Variants in GPR160 observed in about 807,000 individuals in gnomAD.
GPR160 encodes the protein probable G protein-coupled receptor 160.
Under a neutral mutation model 2.6 loss-of-function variants are expected in GPR160, and 2 were observed. The observed-to-expected ratio is 0.77, with a 90% CI of 0.32 to 2.44. The LOEUF (loss-of-function observed/expected upper bound fraction) is 2.44, where lower values mean the gene tolerates loss of function less well. Among genes scored for constraint, GPR160 ranks in the 30% most tolerant of loss-of-function variants. The pLI is 0.11. For missense variants in GPR160, 351 were observed against 383.6 expected (o/e 0.91, Z 0.71); for synonymous variants, 130 against 132.2 (o/e 0.98, Z 0.12).
Position 170,084,263 on chromosome 3 carries a change from TAC to T in GPR160, c.292_293del (p.Thr98SerfsTer28). ...RFTKYHICLF[T>X]QIISFTYGFL... The stretch of plus-strand genomic sequence containing the variant: ...TCACTAAATACCACATCTGCCTATT[TAC>T]TCAAATTATTTCCTTTACTTATGGC... On this transcript the variant is annotated frameshift_variant, in exon 4 of 4. Coordinates refer to ENST00000355897, the MANE Select transcript of GPR160 (RefSeq NM_014373.3). LOFTEE classifies it low-confidence loss of function (END_TRUNC). 1 of 1,608,788 alleles carries T rather than the reference TAC, an allele frequency of 6.2e-7. No homozygotes were observed. Among genetic ancestry groups the T allele is most frequent in the Non-Finnish European group, 8.5e-7 (1 of 1,175,790 alleles).
At chr3:170,070,237 A>G (rs940791706) in intron 2 of GPR160, among the ~76,000 whole-genome samples, 4 of 152,218 alleles carry the variant, frequency 2.6e-5, no homozygotes, top group Non-Finnish European at 5.9e-5. Flanking sequence ...TGTTGAAACA[A>G]TTTATTGAAG....
At chr3:170,069,717 G>A (rs184762751) in intron 2 of GPR160, among the ~76,000 whole-genome samples, 1 of 152,124 alleles carries the variant, frequency 6.6e-6, no homozygotes, top group Non-Finnish European at 1.5e-5. Flanking sequence ...GCATTATGTT[G>A]GCGCAAATTC....
chr3:170,045,418 A>AAAAAAAAC, intron 2 of GPR160, among the ~76,000 whole-genome samples: 1 of 54,962 alleles, frequency 1.8e-5, no homozygotes, highest in African/African-American at 6.9e-5. Flanking sequence ...CAAAAAAAAA[A>AAAAAAAAC]AAAAAAAAAA....
chr3:170,050,582 T>G (rs956568026), intron 2 of GPR160, among the ~76,000 whole-genome samples: 8 of 152,174 alleles, frequency 5.3e-5, no homozygotes, highest in Non-Finnish European at 7.3e-5. Flanking sequence ...AATTTTTTTG[T>G]TGGTCAGGCT....
At chr3:170,061,243 C>G (rs112034894) in intron 2 of GPR160, among the ~76,000 whole-genome samples, 4,119 of 150,904 alleles carry the variant, frequency 0.027, 178 homozygotes, top group African/African-American at 0.095. Context: ...CCACTGCACT[C>G]CAGCCTGGGT....
intron 2 of GPR160, among the ~76,000 whole-genome samples, chr3:170,061,824 G>T (rs1711974616): frequency 6.6e-6 from 1 of 151,808 alleles, no homozygotes; most frequent in Non-Finnish European, 1.5e-5. Context: ...CTTTTAAATG[G>T]TTATATACTA....
chr3:170,039,997 G>A (rs1430943048), intron 2 of GPR160, among the ~76,000 whole-genome samples: 1 of 151,962 alleles, frequency 6.6e-6, no homozygotes, highest in Non-Finnish European at 1.5e-5. Context: ...ACACAGGCAG[G>A]GGAACTTCAG....
chr3:170,070,526 A>T (rs752114550), intron 2 of GPR160, among the ~76,000 whole-genome samples: 1 of 151,964 alleles, frequency 6.6e-6, no homozygotes, highest in Non-Finnish European at 1.5e-5. Context: ...TTCCTTATTC[A>T]CTCATATTAG....
At chr3:170,075,906 C>T (rs1373791835) in intron 2 of GPR160, among the ~76,000 whole-genome samples, 2 of 152,176 alleles carry the variant, frequency 1.3e-5, no homozygotes, top group Non-Finnish European at 2.9e-5. Context: ...GGAATTACTC[C>T]TGCTTCTGGC....
chr3:170,069,361 T>C (rs1250532895), intron 2 of GPR160, among the ~76,000 whole-genome samples: 1 of 152,252 alleles, frequency 6.6e-6, no homozygotes, highest in Non-Finnish European at 1.5e-5. Context: ...GCGACTCTGC[T>C]TTCTCCACTG....
chr3:170,044,981 C>T (rs1029397490), intron 2 of GPR160, among the ~76,000 whole-genome samples: 1 of 152,138 alleles, frequency 6.6e-6, no homozygotes, highest in Non-Finnish European at 1.5e-5. Context: ...TTAAGGGTCA[C>T]GGGGCAAACA....
In GPR160 at chr3:170,082,973, GTTTT is replaced by G. The variant is rs34311852; in HGVS notation, c.-68-921_-68-918del. On this transcript the variant is annotated intron_variant, in intron 3 of 3. Coordinates refer to ENST00000355897, the MANE Select transcript of GPR160 (RefSeq NM_014373.3). Reference sequence around the variant, plus strand: ...GTTTGTTGTTCTTGTCATTTTTGGGGTTTTTTTTTTTTTTGGTTTTTGTTTTTGT... The same window carrying G: ...GTTTGTTGTTCTTGTCATTTTTGGGGTTTTTTTTTTGGTTTTTGTTTTTGT... 5.9e-5 allele frequency among the ~76,000 whole-genome samples: 8 copies of G among 136,386 alleles called. No individual in the cohort carries two copies. In the East Asian group the frequency reaches 8.4e-4, roughly 14 times the overall value. 89.5% of individuals were successfully genotyped at this position (136,386 alleles called of 152,430 possible).
In GPR160 at chr3:170,084,035, C is replaced by G; in HGVS notation, c.63C>G (p.Pro21=). The G allele has an allele frequency of 6.3e-7, 1 of 1,578,040 alleles. No homozygotes were observed. The highest frequency in any genetic ancestry group is 2.2e-5 in the East Asian group (1 of 44,458). ...FQYQLRQTNQ[P]LDVNYLLFLI... is the part of the protein sequence containing the mutation. Reference sequence around the variant, plus strand: ...ACCAGTTACGTCAAACAAACCAGCCCCTAGATGTTAACTATCTGCTATTCT... The same window carrying G: ...ACCAGTTACGTCAAACAAACCAGCCGCTAGATGTTAACTATCTGCTATTCT... Residue 21 remains proline, a synonymous_variant, in exon 4 of 4, where the codon CCC becomes CCG. Coordinates refer to ENST00000355897, the MANE Select transcript of GPR160 (RefSeq NM_014373.3).
intron 2 of GPR160, among the ~76,000 whole-genome samples, chr3:170,053,793 C>T (rs905182991): frequency 1.3e-5 from 2 of 152,110 alleles, no homozygotes; most frequent in African/African-American, 4.8e-5. Flanking sequence ...AGGTTTTTAT[C>T]ATGAATGGTT....
chr3:170,077,514 C>T (rs1712914420), intron 2 of GPR160: 4 of 152,148 alleles, frequency 2.6e-5, no homozygotes, highest in Admixed American at 2.6e-4. Flanking sequence ...CGCAGCTGTT[C>T]TCTGACCTTG....
At chr3:170,082,969 TG>T (rs1285060040) in intron 3 of GPR160, among the ~76,000 whole-genome samples, 1 of 138,114 alleles carries the variant, frequency 7.2e-6, no homozygotes, top group Non-Finnish European at 1.6e-5. Context: ...TTGTCATTTT[TG>T]GGGTTTTTTT....
At position 170,081,611 on chromosome 3, in the gene GPR160, T is replaced by C. The variant is rs1162672003; in HGVS notation, c.-69+1714T>C. ...TTTTTATTTTAGGTTCAGGGGTACA[T>C]GTGCAGGTTTGTTATAAACTCATAT... On this transcript the variant is annotated intron_variant, in intron 3 of 3. Coordinates refer to ENST00000355897, the MANE Select transcript of GPR160 (RefSeq NM_014373.3). Among the ~76,000 whole-genome samples, 6 of 152,290 alleles carry C rather than the reference T, an allele frequency of 3.9e-5. No homozygotes were observed. The South Asian group carries it at 8.3e-4, about 21-fold the overall frequency.
intron 2 of GPR160, among the ~76,000 whole-genome samples, chr3:170,063,866 C>A (rs1712136392): frequency 6.6e-6 from 1 of 152,194 alleles, no homozygotes; most frequent in Non-Finnish European, 1.5e-5. Flanking sequence ...CATAGATTTC[C>A]TCTTCCACCC....
intron 3 of GPR160, among the ~76,000 whole-genome samples, chr3:170,080,721 C>T (rs889532916): frequency 6.6e-6 from 1 of 152,188 alleles, no homozygotes; most frequent in Non-Finnish European, 1.5e-5. Flanking sequence ...TTTCTTTTTG[C>T]GACAGAGTGT....
Sources: allele counts gnomAD v4.1 joint callset (sites outside exome capture counted in the v4.1 genomes callset), GRCh38; gene constraint gnomAD v4.1.1; transcripts MANE v1.5; gene names NCBI Gene and HGNC (gene_info 2026-07-23, HGNC 2026-07-21).